Variants in LTA4H observed in about 807,000 individuals in gnomAD.
LTA4H encodes the protein leukotriene A4 hydrolase, also known as leukotriene A-4 hydrolase.
Under a neutral mutation model 89.8 loss-of-function variants are expected in LTA4H, and 59 were observed. The ratio of observed to expected loss-of-function variants is 0.66; its 90% CI spans 0.53 to 0.82. The LOEUF (loss-of-function observed/expected upper bound fraction) is 0.82, where lower values mean the gene tolerates loss of function less well. LTA4H is among the 40% of genes least tolerant of loss of function. LTA4H has a pLI of 0.00. For synonymous variants in LTA4H, 227 were observed against 253.1 expected (o/e 0.90, Z 0.98); for missense variants, 617 against 727.0 (o/e 0.85, Z 1.74).
chr12:96,018,289 G>T (rs1271063505), intron 8 of LTA4H, among the ~76,000 whole-genome samples: 2 of 152,158 alleles, frequency 1.3e-5, no homozygotes, highest in African/African-American at 4.8e-5. Context: ...GGTGGTTCAT[G>T]CCTGTAATCC....
chr12:96,035,423 G>A lies in LTA4H; in HGVS notation c.97C>T (p.Arg33Trp), dbSNP rs778545869. The A allele has an allele frequency of 2.5e-6, 4 of 1,610,660 alleles. No homozygotes were observed. The highest frequency in any genetic ancestry group is 3.4e-6 in the Non-Finnish European group (4 of 1,178,588). Residue 33 changes from arginine to tryptophan, a missense_variant, in exon 1 of 19, where the codon CGG (arginine) becomes TGG (tryptophan). This residue lies in a region of LTA4H where 155 missense variants were observed against 143.3 expected (regional missense o/e 1.08). Transcript: ENST00000228740. ...AGAGCAGCAGTCCCGGTCAGCGTCC[G>A]GCGAGTAAAGTCGACGCTGCAGCGC... ...HLRCSVDFTR[R>W]TLTGTAALTV...
At chr12:96,026,330 C>T (rs2136909507) in intron 3 of LTA4H, among the ~76,000 whole-genome samples, 1 of 152,304 alleles carries the variant, frequency 6.6e-6, no homozygotes. Flanking sequence ...ATTCCTATCA[C>T]CTCAATCATT....
intron 15 of LTA4H, among the ~76,000 whole-genome samples, chr12:96,006,861 T>C (rs1950211574): frequency 6.6e-6 from 1 of 152,192 alleles, no homozygotes; most frequent in Non-Finnish European, 1.5e-5. Flanking sequence ...TTTTCCCCAC[T>C]TAATCTTAGA....
At position 96,022,250 on chromosome 12, in the gene LTA4H, A is replaced by G; in HGVS notation, c.482T>C (p.Val161Ala). 1 of 1,595,726 alleles carries G rather than the reference A, an allele frequency of 6.3e-7. No individual in the cohort carries two copies. Among genetic ancestry groups the G allele is most frequent in the Non-Finnish European group, 8.6e-7 (1 of 1,164,432 alleles). ...PSVKLTYTAE[V>A]SVPKELVALM... Reference sequence around the variant, plus strand: ...TGCCACCAGTTCTTTAGGGACAGACACCTAATCAAGGAGAAAAATCATTTC... The same window carrying G: ...TGCCACCAGTTCTTTAGGGACAGACGCCTAATCAAGGAGAAAAATCATTTC... The change falls in exon 5 of 19, where the codon GTG (valine) becomes GCG (alanine). Residue 161 changes from valine to alanine, a missense_variant and splice_region_variant. Transcript: ENST00000228740. The surrounding 1 kb of genome is among the most constrained non-coding windows in gnomAD (Gnocchi z 4.0).
chr12:96,010,623 G>GTGTT (rs2136875265), intron 14 of LTA4H: 1 of 152,374 alleles, frequency 6.6e-6, no homozygotes, highest in Non-Finnish European at 1.5e-5. Flanking sequence ...GGGAGCTAGA[G>GTGTT]TGTTAGGAGC....
At chr12:96,021,281 T>C in intron 5 of LTA4H, 144 bp from the exon 6 acceptor site, 1 of 543,576 alleles carries the variant, frequency 1.8e-6, no homozygotes, top group Non-Finnish European at 3.2e-6. Context: ...TTTATACTTC[T>C]CAAATAGTTC....
chr12:96,015,484 C>CT, intron 11 of LTA4H, 99 bp downstream of exon 11: 9 of 799,940 alleles, frequency 1.1e-5, no homozygotes, highest in Middle Eastern at 4.7e-4. Flanking sequence ...GTAAAAATGA[C>CT]TTTTTGGTTG....
chr12:96,037,054 C>T (rs1418213715), upstream of LTA4H, among the ~76,000 whole-genome samples: 1 of 152,246 alleles, frequency 6.6e-6, no homozygotes, highest in African/African-American at 2.4e-5. Context: ...TCCCACCAGG[C>T]CCTACCTCCA....
intron 10 of LTA4H, among the ~76,000 whole-genome samples, chr12:96,016,070 T>C (rs1042259599): frequency 6.6e-6 from 1 of 152,136 alleles, no homozygotes; most frequent in African/African-American, 2.4e-5. Context: ...TCCTAGCACT[T>C]TGGGAGGCCG....
At chr12:96,037,463 AC>A (rs1950657946), upstream of LTA4H, among the ~76,000 whole-genome samples, 1 of 152,178 alleles carries the variant, frequency 6.6e-6, no homozygotes, top group South Asian at 2.1e-4. Flanking sequence ...AGTCCCGAGG[AC>A]CACCGAAGTA....
chr12:96,015,879 T>C (rs909767575), intron 10 of LTA4H, among the ~76,000 whole-genome samples, 185 bp from the exon 11 acceptor site: 14 of 152,214 alleles, frequency 9.2e-5, no homozygotes, highest in African/African-American at 1.4e-4. Context: ...GCCCAGCAGA[T>C]GGCAGCAGGG....
At position 96,015,610 on chromosome 12, in the gene LTA4H, C is replaced by A; in HGVS notation, c.1032G>T (p.Leu344=). ...AATTCTGTAGTTCTCCCCATCCTCC[C>A]AGAGCATTAAAATGTCTGAACTTTT... ...FGEKFRHFNA[L]GGWGELQNSV... is the part of the protein sequence containing the mutation. Residue 344 remains leucine, a synonymous_variant, in exon 11 of 19, where the codon CTG becomes CTT. Transcript: ENST00000228740. 6.2e-7 allele frequency: 1 copy of A among 1,613,876 alleles called. No homozygotes were observed. Among genetic ancestry groups the A allele is most frequent in the Non-Finnish European group, 8.5e-7 (1 of 1,179,792 alleles).
At position 96,027,574 on chromosome 12, in the gene LTA4H, A is replaced by G. The variant is rs569200426; in HGVS notation, c.291-10T>C. The G allele has an allele frequency of 6.6e-7, 1 of 1,525,410 alleles. No individual in the cohort carries two copies. The highest frequency in any genetic ancestry group is 9.0e-7 in the Non-Finnish European group (1 of 1,106,302). 94.5% of individuals were successfully genotyped at this position (1,525,410 alleles called of 1,614,324 possible). A position where few individuals can be genotyped will look rare whatever the true frequency, so the allele number is the denominator to read the frequency against. On this transcript the variant is annotated splice_polypyrimidine_tract_variant and intron_variant, in intron 2 of 18. Coordinates refer to ENST00000228740, the MANE Select transcript of LTA4H (RefSeq NM_000895.3). ...AACAATTTCTTGATTTCTGTATGAA[A>G]CACATAAATATATTAGTAGAGTATG...
chr12:96,027,302 T>C (rs1950522885), intron 3 of LTA4H, 142 bp downstream of exon 3: 2 of 611,198 alleles, frequency 3.3e-6, no homozygotes, highest in African/African-American at 1.9e-5. Flanking sequence ...ATATAATTCA[T>C]CTTATATGTT....
At position 96,035,530 on chromosome 12, in the gene LTA4H, G is replaced by A; in HGVS notation, c.-11C>T. ...CACTATCTCGGGCATGGCTCTGGGGGATCACACAGCACAGCGACCTACAGC... is the reference window on the plus strand; with the variant it reads ...CACTATCTCGGGCATGGCTCTGGGGAATCACACAGCACAGCGACCTACAGC... On this transcript the variant is annotated 5_prime_UTR_variant, in exon 1 of 19. Transcript: ENST00000228740. 1.3e-6 allele frequency: 2 copies of A among 1,598,488 alleles called. No homozygotes were observed. The highest frequency in any genetic ancestry group is 1.1e-5 in the South Asian group (1 of 88,584).
At chr12:96,018,192 A>T (rs960063736) in intron 8 of LTA4H, among the ~76,000 whole-genome samples, 1 of 152,132 alleles carries the variant, frequency 6.6e-6, no homozygotes, top group Non-Finnish European at 1.5e-5. Context: ...CCCCATGCCC[A>T]ACTCCCCAAA....
rs1950488027 is a variant in LTA4H at position 96,024,339 on chromosome 12, TTTGTTTA to T, written c.480+133_480+139del. On this transcript the variant is annotated intron_variant, in intron 4 of 18. Transcript: ENST00000228740. ...GATTCAGAATGAGTGCCACAGCCTC[TTTGTTTA>T]CATATTTCAGGTAGAATTTCATTAA... 3.7e-5 allele frequency: 20 copies of T among 535,174 alleles called. 2 individuals carry two copies. The South Asian group carries it at 4.8e-4, about 13-fold the overall frequency. The allele number at this position is 535,174 out of a possible 1,614,324, so 33.2% of individuals were successfully genotyped here.
Position 96,013,252 on chromosome 12 carries a change from C to T in LTA4H, c.1315G>A (p.Val439Ile), listed in dbSNP as rs1376770229. Residue 439 changes from valine to isoleucine, a missense_variant, in exon 14 of 19, where the codon GTT (valine) becomes ATT (isoleucine). By Grantham distance (29) the Val-to-Ile change is conservative. This residue lies in a region of LTA4H where 290 missense variants were observed against 339.1 expected (regional missense o/e 0.86). Transcript: ENST00000228740. ...LYSYFKDKVD[V>I]LNQVDWNAWL... ...GCATTCCAATCAACTTGATTGAGAA[C>T]ATCAACCTATGAATAGTAAGAATTC... 3 of 1,611,572 alleles carry T rather than the reference C, an allele frequency of 1.9e-6. No individual in the cohort carries two copies. The highest frequency in any genetic ancestry group is 8.5e-7 in the Non-Finnish European group (1 of 1,177,804).
At chr12:96,009,050 T>G (rs769640582) in intron 15 of LTA4H, 44 bp downstream of exon 15, 1 of 1,381,076 alleles carries the variant, frequency 7.2e-7, no homozygotes, top group Non-Finnish European at 1.0e-6. Flanking sequence ...AAGACATATT[T>G]GCACAATTCA....
Sources: gnomAD v4.1 joint callset for allele counts (sites outside exome capture counted in the v4.1 genomes callset) on GRCh38, gnomAD v4.1.1 for gene constraint, gnomAD v4.1.1 regional missense constraint, Gnocchi (gnomAD v3.1) non-coding constraint, MANE v1.5 for transcripts, NCBI Gene and HGNC (gene_info 2026-07-23, HGNC 2026-07-21) for gene names.